The following DPP6 variants were observed in gnomAD, a reference collection of about 807,000 sequenced individuals.
The protein encoded by DPP6 is A-type potassium channel modulatory protein DPP6.
DPP6 carries 69 observed loss-of-function variants against 122.6 expected under a neutral mutation model. The observed-to-expected ratio is 0.56, with a 90% confidence interval of 0.46 to 0.69. The LOEUF is 0.69. Among genes scored for constraint, DPP6 ranks in the 30% least tolerant of loss-of-function variants. DPP6 has a pLI of 0.00. For missense variants in DPP6, 928 were observed against 1,116.9 expected (o/e 0.83, Z 2.41); for synonymous variants, 418 against 433.1 (o/e 0.97, Z 0.43).
At chr7:153,796,900 G>A in the DPP6 span, among the ~76,000 whole-genome samples, 1 of 152,196 alleles carries the variant, frequency 6.6e-6, no homozygotes, top group Admixed American at 6.5e-5. Context: ...CAGAGAGAAC[G>A]TGGCAGAGTT....
At chr7:153,960,439 AG>A (rs1235171484) in intron 1 of DPP6, among the ~76,000 whole-genome samples, 2 of 152,208 alleles carry the variant, frequency 1.3e-5, no homozygotes, top group African/African-American at 4.8e-5. Flanking sequence ...AAATGCTTGT[AG>A]GAAAAAGCTG....
intron 3 of DPP6, among the ~76,000 whole-genome samples, chr7:154,530,797 A>T (rs1827784238): frequency 6.6e-6 from 1 of 152,200 alleles, no homozygotes; most frequent in African/African-American, 2.4e-5. Flanking sequence ...TACACTATGG[A>T]ATACTATACT....
chr7:154,570,322 T>C (rs1831030165), intron 5 of DPP6, among the ~76,000 whole-genome samples: 1 of 151,994 alleles, frequency 6.6e-6, no homozygotes, highest in Non-Finnish European at 1.5e-5. Flanking sequence ...TTATTCAGAC[T>C]AATTGCAATG....
chr7:154,555,358 T>C (rs1829942096), intron 4 of DPP6, among the ~76,000 whole-genome samples: 2 of 151,864 alleles, frequency 1.3e-5, no homozygotes, highest in Non-Finnish European at 2.9e-5. Flanking sequence ...CAGCAAACTA[T>C]TGCAAGGACA....
At chr7:154,416,678 C>T (rs1035538535) in intron 1 of DPP6, among the ~76,000 whole-genome samples, 6 of 43,128 alleles carry the variant, frequency 1.4e-4, no homozygotes, top group Admixed American at 3.6e-4. Flanking sequence ...TTCTCCCCCA[C>T]CAAGGATCAG....
intron 1 of DPP6, among the ~76,000 whole-genome samples, chr7:154,404,172 C>A (rs1291445029): frequency 6.6e-6 from 1 of 152,184 alleles, no homozygotes; most frequent in East Asian, 1.9e-4. Flanking sequence ...AAACAGAAAT[C>A]AAAGCCGCTG....
intron 8 of DPP6, among the ~76,000 whole-genome samples, chr7:154,756,078 G>T (rs1028016897): frequency 1.3e-5 from 2 of 152,236 alleles, no homozygotes; most frequent in Non-Finnish European, 2.9e-5. Context: ...GCGGTCATCT[G>T]CTCCAACCCC....
chr7:154,778,817 TCCAACCTTCACCACCTGTACAACCTCCA>T, intron 10 of DPP6, among the ~76,000 whole-genome samples: 2 of 124,294 alleles, frequency 1.6e-5, no homozygotes, highest in Admixed American at 8.2e-5. Flanking sequence ...CTCTACAACT[TCCAACCTTCACCACCTGTACAACCTCCA>T]CCACCACCAC....
At chr7:154,289,922 A>C (rs745360954) in intron 1 of DPP6, among the ~76,000 whole-genome samples, 2 of 152,180 alleles carry the variant, frequency 1.3e-5, no homozygotes, top group Non-Finnish European at 2.9e-5. Context: ...CAAGGAACCA[A>C]GGAGCCCATA....
At chr7:154,445,456 G>A (rs952246705) in intron 1 of DPP6, among the ~76,000 whole-genome samples, 3 of 152,208 alleles carry the variant, frequency 2.0e-5, no homozygotes, top group Non-Finnish European at 4.4e-5. Context: ...GGTCTCAGCA[G>A]CCAGTACGCG....
chr7:154,284,284 A>G (rs1419887796), intron 1 of DPP6, among the ~76,000 whole-genome samples: 2 of 152,244 alleles, frequency 1.3e-5, no homozygotes, highest in Non-Finnish European at 2.9e-5. Context: ...TGCAGGACGA[A>G]AAAGCAGATG....
chr7:154,851,457 A>G (rs1274924785), intron 16 of DPP6, among the ~76,000 whole-genome samples: 2 of 152,222 alleles, frequency 1.3e-5, no homozygotes, highest in African/African-American at 4.8e-5. Flanking sequence ...GAAAATACTT[A>G]TAGGTTCTTT....
At chr7:154,823,033 G>C (rs946616052) in intron 16 of DPP6, among the ~76,000 whole-genome samples, 4 of 152,156 alleles carry the variant, frequency 2.6e-5, no homozygotes, top group Admixed American at 2.0e-4. Flanking sequence ...TGCAGACCTA[G>C]GTTAGGGTCA....
At chr7:154,041,370 C>T (rs369808853) in intron 1 of DPP6, among the ~76,000 whole-genome samples, 3 of 152,158 alleles carry the variant, frequency 2.0e-5, no homozygotes, top group Non-Finnish European at 2.9e-5. Flanking sequence ...GAGCTACAGG[C>T]GGCCATATGT....
intron 6 of DPP6, among the ~76,000 whole-genome samples, chr7:154,661,698 G>A (rs1244602771): frequency 2.1e-5 from 3 of 144,960 alleles, no homozygotes; most frequent in Non-Finnish European, 3.0e-5. Context: ...ATATAGTCAT[G>A]GTGAATCACC....
the DPP6 span, among the ~76,000 whole-genome samples, chr7:153,860,250 G>A: frequency 1.3e-5 from 2 of 152,138 alleles, no homozygotes; most frequent in African/African-American, 4.8e-5. Flanking sequence ...ACACCTAGGG[G>A]AATCTCCACC....
chr7:154,496,892 G>A (rs116242734), intron 3 of DPP6, among the ~76,000 whole-genome samples: 2,888 of 152,142 alleles, frequency 0.019, 90 homozygotes, highest in African/African-American at 0.065. Context: ...TGCTTTTATT[G>A]TTTAGCCTAG....
intron 1 of DPP6, among the ~76,000 whole-genome samples, chr7:154,231,075 A>C (rs1203775336): frequency 6.6e-6 from 1 of 152,158 alleles, no homozygotes; most frequent in East Asian, 1.9e-4. Context: ...TTCTTCTTGC[A>C]TATTGAGCTG....
At chr7:153,793,271 G>A in the DPP6 span, among the ~76,000 whole-genome samples, 1 of 151,946 alleles carries the variant, frequency 6.6e-6, no homozygotes, top group East Asian at 1.9e-4. Flanking sequence ...AAGCCTGATA[G>A]CAATATGGAC....
Sources: allele counts gnomAD v4.1 joint callset (sites outside exome capture counted in the v4.1 genomes callset), GRCh38; gene constraint gnomAD v4.1.1; transcripts MANE v1.5; gene names NCBI Gene and HGNC (gene_info 2026-07-23, HGNC 2026-07-21).